The following LAD1 variants were observed in gnomAD, a reference collection of about 807,000 sequenced individuals.
LAD1 encodes the protein ladinin 1.
LAD1 carries 53 observed loss-of-function variants against 54.2 expected under a neutral mutation model. That is an observed-to-expected ratio of 0.98 (90% confidence interval 0.78 to 1.23). LAD1 has a LOEUF of 1.23. Among genes scored for constraint, LAD1 ranks in the 50% most tolerant of loss-of-function variants. The probability of loss-of-function intolerance (pLI) is 0.00; values close to 1 mark genes in which losing one functional copy is unlikely to be tolerated. For missense variants in LAD1, 637 were observed against 653.3 expected (o/e 0.98, Z 0.27); for synonymous variants, 231 against 257.7 (o/e 0.90, Z 0.99).
At chr1:201,388,437 C>T (rs1662136850) in intron 2 of LAD1, among the ~76,000 whole-genome samples, 1 of 150,358 alleles carries the variant, frequency 6.7e-6, no homozygotes, top group Non-Finnish European at 1.5e-5. Flanking sequence ...GTATTCCCAG[C>T]ACTTTGGGAG....
chr1:201,389,350 C>A (rs1302308326), intron 1 of LAD1, 47 bp from the exon 2 acceptor site: 1 of 1,585,130 alleles, frequency 6.3e-7, no homozygotes, highest in Non-Finnish European at 8.6e-7. Flanking sequence ...AAACCCAGGA[C>A]CCTCCCGAGG....
chr1:201,382,426 T>C, intron 8 of LAD1, 100 bp from the exon 9 acceptor site: 1 of 1,020,650 alleles, frequency 9.8e-7, no homozygotes, highest in Non-Finnish European at 1.5e-6. Context: ...GTCCTTTCTC[T>C]TCCCAAAAGA....
chr1:201,385,566 A>G (rs979504107), intron 4 of LAD1, 135 bp downstream of exon 4: 13 of 738,528 alleles, frequency 1.8e-5, no homozygotes, highest in Non-Finnish European at 3.2e-5. Context: ...GTTCAGGGCC[A>G]CCCATGGGAA....
intron 1 of LAD1, among the ~76,000 whole-genome samples, chr1:201,394,520 G>C (rs189296116): frequency 1.7e-3 from 252 of 152,330 alleles, no homozygotes; most frequent in Middle Eastern, 0.014. Context: ...ACTTAAACAA[G>C]ATTCCCCTGG....
chr1:201,383,445 C>T, intron 5 of LAD1, 56 bp from the exon 6 acceptor site: 3 of 1,546,050 alleles, frequency 1.9e-6, no homozygotes, highest in Non-Finnish European at 2.7e-6. Context: ...GGAGACCAGG[C>T]CTGCCCCCAG....
intron 6 of LAD1, 52 bp downstream of exon 6, chr1:201,383,265 T>G (rs1291804283): frequency 2.5e-6 from 4 of 1,613,996 alleles, no homozygotes; most frequent in Non-Finnish European, 2.5e-6. Context: ...GAAAGGGCCA[T>G]GCCCACTACT....
At position 201,386,667 on chromosome 1, in the gene LAD1, C is replaced by G; in HGVS notation, c.694G>C (p.Val232Leu). ...EKRNSSEKKS[V>L]LEKTSVSEKS... Reference sequence around the variant, plus strand: ...TCAGAGACACTGGTTTTTTCTAGAACAGACTTCTTCTCTGAGCTGTTTCTT... The same window carrying G: ...TCAGAGACACTGGTTTTTTCTAGAAGAGACTTCTTCTCTGAGCTGTTTCTT... The change falls in exon 3 of 10, where the codon GTT becomes CTT. Residue 232 changes from valine to leucine, a missense_variant. Physicochemically the swap from Val to Leu is conservative, Grantham distance 32 (BLOSUM62 1). Transcript: ENST00000391967. 1 of 1,614,214 alleles carries G rather than the reference C, an allele frequency of 6.2e-7. No homozygotes were observed. The highest frequency in any genetic ancestry group is 8.5e-7 in the Non-Finnish European group (1 of 1,180,032).
intron 6 of LAD1, 52 bp from the exon 7 acceptor site, chr1:201,383,263 C>T (rs1661999555): frequency 6.2e-7 from 1 of 1,614,118 alleles, no homozygotes; most frequent in Middle Eastern, 1.7e-4. Context: ...GGGAAAGGGC[C>T]ATGCCCACTA....
At chr1:201,388,558 C>CT (rs1232025399) in intron 2 of LAD1, among the ~76,000 whole-genome samples, 1 of 150,814 alleles carries the variant, frequency 6.6e-6, no homozygotes, top group Non-Finnish European at 1.5e-5. Flanking sequence ...TGGTGGGTGC[C>CT]TGTAGTCCCA....
At position 201,386,445 on chromosome 1, in the gene LAD1, T is replaced by C. The variant is rs2102356412; in HGVS notation, c.916A>G (p.Lys306Glu). The C allele has an allele frequency of 6.5e-7, 1 of 1,542,268 alleles. No individual in the cohort carries two copies. The highest frequency in any genetic ancestry group is 1.3e-5 in the South Asian group (1 of 76,952). Residue 306 changes from lysine (K) to glutamate (E), a missense_variant, in exon 3 of 10, where the codon AAG becomes GAG. Transcript: ENST00000391967. ...GGGAGGGCCCTTCCTCTCTGCTCCTTGGTGGTGGCTGGGCTTCCCCCAGAG... is the reference window on the plus strand; with the variant it reads ...GGGAGGGCCCTTCCTCTCTGCTCCTCGGTGGTGGCTGGGCTTCCCCCAGAG... ...PASGGSPATTKEQRGRALPGK... is the reference protein window; with the variant it reads ...PASGGSPATTEEQRGRALPGK...
intron 3 of LAD1, 63 bp from the exon 4 acceptor site, chr1:201,385,868 A>AG: frequency 8.3e-7 from 1 of 1,201,714 alleles, no homozygotes; most frequent in Admixed American, 1.7e-5. Context: ...GGGCAGCCAT[A>AG]AACCCCATGG....
Position 201,383,104 on chromosome 1 carries a change from C to G in LAD1, c.1356G>C (p.Gln452His), listed in dbSNP as rs140808550. Residue 452 changes from glutamine (Q) to histidine (H), a missense_variant, in exon 7 of 10, where the codon CAG becomes CAC. Physicochemically the swap from Gln to His is conservative, Grantham distance 24 (BLOSUM62 0). Transcript: ENST00000391967. ...GGCTGGAGGCTGGTTCTGCTCGGCT[C>G]TGGCCCGCCAGTTCCTTCTCAAAGA... Reference protein sequence around the residue: ...RHLFEKELAGQSRAEPASSRK... With the variant: ...RHLFEKELAGHSRAEPASSRK... The G allele has an allele frequency of 5.0e-5, 80 of 1,614,048 alleles. No homozygotes were observed. The African/African-American group carries it at 9.3e-4, about 19-fold the overall frequency.
chr1:201,393,423 T>A (rs559661520), intron 1 of LAD1, among the ~76,000 whole-genome samples: 1 of 152,112 alleles, frequency 6.6e-6, no homozygotes, highest in Non-Finnish European at 1.5e-5. Context: ...TTAGTGAGTA[T>A]CAACAACTCT....
In LAD1 at chr1:201,382,683, C is replaced by T. The variant is rs2102354429; in HGVS notation, c.1443G>A (p.Arg481=). 1 of 1,607,752 alleles carries T rather than the reference C, an allele frequency of 6.2e-7. No individual in the cohort carries two copies. The highest frequency in any genetic ancestry group is 2.2e-5 in the East Asian group (1 of 44,812). Residue 481 remains arginine (R), a synonymous_variant, in exon 8 of 10, where the codon AGG becomes AGA. Coordinates refer to ENST00000391967, the MANE Select transcript of LAD1 (RefSeq NM_005558.4). ...VTSRLNLWIS[R]TQESGDQDPQ... The stretch of plus-strand genomic sequence containing the variant: ...GGTCCTGATCTCCAGATTCCTGGGT[C>T]CTGCTGATCCACAGGTTGAGCCTTG...
chr1:201,397,399 G>T, intron 1 of LAD1: 1 of 152,524 alleles, frequency 6.6e-6, no homozygotes, highest in Non-Finnish European at 1.5e-5. Flanking sequence ...CCCTGTGGCA[G>T]GACTGTTCCC....
Position 201,386,477 on chromosome 1 carries a change from G to C in LAD1, c.884C>G (p.Pro295Arg), listed in dbSNP as rs377741666. 1.3e-6 allele frequency: 2 copies of C among 1,552,666 alleles called. No individual in the cohort carries two copies. Among genetic ancestry groups the C allele is most frequent in the Non-Finnish European group, 1.7e-6 (2 of 1,155,078 alleles). The change falls in exon 3 of 10, where the codon CCG (proline) becomes CGG (arginine). Residue 295 changes from proline (P) to arginine (R), a missense_variant. Coordinates refer to ENST00000391967, the MANE Select transcript of LAD1 (RefSeq NM_005558.4). ...TASEQPLAQE[P>R]PASGGSPATT... The stretch of plus-strand genomic sequence containing the variant: ...GGCTGGGCTTCCCCCAGAGGCTGGC[G>C]GCTCCTGCGCCAGGGGCTGCTCTGA...
intron 1 of LAD1, chr1:201,391,139 C>T (rs1307236066): frequency 8.8e-6 from 4 of 456,590 alleles, no homozygotes; most frequent in African/African-American, 4.0e-5. Flanking sequence ...GAGCCTCCCT[C>T]ACCTTTCAGA....
chr1:201,396,652 G>A (rs910134472), intron 1 of LAD1, among the ~76,000 whole-genome samples: 20 of 152,146 alleles, frequency 1.3e-4, no homozygotes, highest in Admixed American at 1.2e-3. Flanking sequence ...GGCTCAAGGA[G>A]CATAATTTGC....
intron 1 of LAD1, among the ~76,000 whole-genome samples, chr1:201,391,730 C>T (rs968290685): frequency 3.9e-5 from 6 of 152,130 alleles, no homozygotes; most frequent in African/African-American, 9.7e-5. Flanking sequence ...AACAGGCTTT[C>T]GATGGGGTGG....
Sources: allele counts gnomAD v4.1 joint callset (sites outside exome capture counted in the v4.1 genomes callset), GRCh38; gene constraint gnomAD v4.1.1; transcripts MANE v1.5; gene names NCBI Gene and HGNC (gene_info 2026-07-23, HGNC 2026-07-21).